The following LRRC37A variants were observed in gnomAD, a reference collection of about 807,000 sequenced individuals.
The protein encoded by LRRC37A is leucine-rich repeat-containing protein 37A.
Under a neutral mutation model 35.4 loss-of-function variants are expected in LRRC37A, and 3 were observed. The observed-to-expected ratio is 0.08, with a 90% CI of 0.04 to 0.22. LRRC37A has a LOEUF of 0.22. Ranked by LOEUF, LRRC37A falls within the 10% of genes least tolerant of loss-of-function variation. The pLI is 1.00. For missense variants in LRRC37A, 67 were observed against 565.3 expected (o/e 0.12, Z 8.94); for synonymous variants, 23 against 215.0 (o/e 0.11, Z 7.81).
the LRRC37A span, among the ~76,000 whole-genome samples, chr17:46,276,597 G>C: frequency 6.6e-6 from 1 of 152,166 alleles, no homozygotes; most frequent in Non-Finnish European, 1.5e-5. Flanking sequence ...TGCAAACAAT[G>C]CTGGAGATCA....
At chr17:46,272,599 G>C in the LRRC37A span, among the ~76,000 whole-genome samples, 2 of 152,144 alleles carry the variant, frequency 1.3e-5, 1 homozygote, top group South Asian at 4.1e-4. Flanking sequence ...ACTTTTAGTA[G>C]AGATGGGGTT....
the LRRC37A span, among the ~76,000 whole-genome samples, chr17:46,286,328 A>T: frequency 2.0e-5 from 3 of 152,376 alleles, no homozygotes; most frequent in South Asian, 6.2e-4. Flanking sequence ...TTAAAGATAA[A>T]TATGAAACAT....
the LRRC37A span, among the ~76,000 whole-genome samples, chr17:46,254,151 TCTG>T: frequency 2.6e-5 from 4 of 152,158 alleles, no homozygotes; most frequent in Non-Finnish European, 1.5e-5. Context: ...CTGCGGGACT[TCTG>T]CTAGCACTGC....
the LRRC37A span, among the ~76,000 whole-genome samples, chr17:46,257,452 C>CAA: frequency 9.6e-5 from 8 of 83,316 alleles, no homozygotes; most frequent in African/African-American, 2.7e-4. Flanking sequence ...GACTCTGTCT[C>CAA]AAAAAAAAAA....
intron 5 of LRRC37A, among the ~76,000 whole-genome samples, chr17:46,315,548 C>A (rs1471447595): frequency 1.6e-5 from 1 of 63,488 alleles, no homozygotes; most frequent in Non-Finnish European, 3.5e-5. Flanking sequence ...AGTAAGAAAA[C>A]AAAATGTTTG....
chr17:46,275,748 T>C, the LRRC37A span, among the ~76,000 whole-genome samples: 18,478 of 152,220 alleles, frequency 0.12, no homozygotes, highest in Non-Finnish European at 0.18. Context: ...AAGGTGCGTG[T>C]GTGTGTGTAT....
chr17:46,264,267 A>G, the LRRC37A span, among the ~76,000 whole-genome samples: 1 of 152,000 alleles, frequency 6.6e-6, no homozygotes, highest in Non-Finnish European at 1.5e-5. Flanking sequence ...CCTGGCCTAC[A>G]AATTCTTTAT....
chr17:46,282,034 T>C, the LRRC37A span, among the ~76,000 whole-genome samples: 1 of 152,220 alleles, frequency 6.6e-6, no homozygotes, highest in Non-Finnish European at 1.5e-5. Flanking sequence ...ATTCATTTAT[T>C]TTTTAATTCC....
At chr17:46,311,116 A>G in intron 5 of LRRC37A, 1 of 269,694 alleles carries the variant, frequency 3.7e-6, no homozygotes, top group Non-Finnish European at 7.3e-6. Flanking sequence ...CAGCCTGGGC[A>G]ACAGAGTGAG....
At position 46,314,729 on chromosome 17, in the gene LRRC37A, C is replaced by T. The variant is rs1274664911; in HGVS notation, c.2907-7593C>T. 5.0e-5 allele frequency among the ~76,000 whole-genome samples: 4 copies of T among 79,566 alleles called. 2 individuals are homozygous for T. The East Asian group carries it at 9.8e-4, about 19-fold the overall frequency. 52.2% of individuals were successfully genotyped at this position (79,566 alleles called of 152,430 possible). Reference sequence around the variant, plus strand: ...TCTGCTTCATGTTTACAGAATACTCCGTTGAATTTGGTTTGCCAGATTTTG... The same window carrying T: ...TCTGCTTCATGTTTACAGAATACTCTGTTGAATTTGGTTTGCCAGATTTTG... On this transcript the variant is annotated intron_variant, in intron 5 of 13. Transcript: ENST00000320254.
At chr17:46,281,822 T>C in the LRRC37A span, among the ~76,000 whole-genome samples, 2 of 152,062 alleles carry the variant, frequency 1.3e-5, no homozygotes, top group Admixed American at 1.3e-4. Flanking sequence ...TTTTGTATTT[T>C]TAGTAGAGAT....
At chr17:46,259,088 T>A in the LRRC37A span, among the ~76,000 whole-genome samples, 1 of 126,734 alleles carries the variant, frequency 7.9e-6, no homozygotes, top group Non-Finnish European at 1.6e-5. Flanking sequence ...ACAACCAGCA[T>A]AGAAAGACCC....
intron 5 of LRRC37A, among the ~76,000 whole-genome samples, chr17:46,319,166 G>T (rs1284989562): frequency 1.2e-4 from 3 of 24,492 alleles, no homozygotes; most frequent in African/African-American, 5.8e-4. Context: ...GTTGCTGCAA[G>T]ACTTTGGTTA....
At chr17:46,248,441 T>C in the LRRC37A span, among the ~76,000 whole-genome samples, 198 of 152,172 alleles carry the variant, frequency 1.3e-3, 4 homozygotes, top group African/African-American at 4.6e-3. Flanking sequence ...TCTGATTTCC[T>C]ATAGTTTTGC....
At chr17:46,253,293 C>G in the LRRC37A span, among the ~76,000 whole-genome samples, 1 of 151,472 alleles carries the variant, frequency 6.6e-6, no homozygotes, top group Non-Finnish European at 1.5e-5. Flanking sequence ...AGACGCTCCT[C>G]CCTTTCCAGA....
the LRRC37A span, among the ~76,000 whole-genome samples, chr17:46,251,214 C>CA: frequency 6.6e-6 from 1 of 151,770 alleles, no homozygotes; most frequent in Non-Finnish European, 1.5e-5. Context: ...CCCCAAGTGA[C>CA]ATTTGGCAAT....
At chr17:46,265,270 CTTCTTCTTCT>C in the LRRC37A span, among the ~76,000 whole-genome samples, 1 of 54,472 alleles carries the variant, frequency 1.8e-5, no homozygotes, top group East Asian at 4.5e-4. Flanking sequence ...TCTTCTTCTT[CTTCTTCTTCT>C]TCTTCTTCTT....
chr17:46,254,493 C>T, the LRRC37A span, among the ~76,000 whole-genome samples: 2 of 152,020 alleles, frequency 1.3e-5, no homozygotes, highest in Admixed American at 6.6e-5. Context: ...ATCCTCCTAC[C>T]TTAGCCTCCT....
At chr17:46,254,756 G>T in the LRRC37A span, among the ~76,000 whole-genome samples, 4 of 151,700 alleles carry the variant, frequency 2.6e-5, no homozygotes, top group African/African-American at 7.3e-5. Flanking sequence ...GGCCAGGCTG[G>T]TCTCAACTCC....
Sources: gnomAD v4.1 joint callset for allele counts (sites outside exome capture counted in the v4.1 genomes callset) on GRCh38, gnomAD v4.1.1 for gene constraint, MANE v1.5 for transcripts, NCBI Gene and HGNC (gene_info 2026-07-23, HGNC 2026-07-21) for gene names.